The following MRPS22 variants were observed in gnomAD, a reference collection of about 807,000 sequenced individuals.
The protein encoded by MRPS22 is mitochondrial ribosomal protein S22.
A neutral mutation model predicts 44.0 loss-of-function variants in MRPS22; 30 were observed. That is an observed-to-expected ratio of 0.68 (90% CI 0.51 to 0.93). MRPS22 has a LOEUF of 0.93. Among genes scored for constraint, MRPS22 ranks in the 40% least tolerant of loss-of-function variants. The probability of loss-of-function intolerance (pLI) is 0.00; values close to 1 mark genes in which losing one functional copy is unlikely to be tolerated. For synonymous variants in MRPS22, 165 were observed against 154.4 expected (o/e 1.07, Z -0.51); for missense variants, 447 against 447.8 (o/e 1.00, Z 0.02).
chr3:139,355,134 G>T (rs934781613), intron 6 of MRPS22, among the ~76,000 whole-genome samples: 5 of 152,106 alleles, frequency 3.3e-5, no homozygotes, highest in Non-Finnish European at 5.9e-5. Context: ...GCTTCACTAG[G>T]ATGCTATTTT....
At chr3:139,352,280 T>C in intron 5 of MRPS22, 1 of 208,848 alleles carries the variant, frequency 4.8e-6, no homozygotes, top group Non-Finnish European at 9.8e-6. Context: ...TTCTTCTCTT[T>C]TAATTTTTTT....
intron 6 of MRPS22, among the ~76,000 whole-genome samples, chr3:139,355,427 A>G (rs1941230206): frequency 6.6e-6 from 1 of 152,192 alleles, no homozygotes; most frequent in African/African-American, 2.4e-5. Flanking sequence ...CATTTGGAAT[A>G]TATTCACTTT....
At chr3:139,351,155 C>G in intron 5 of MRPS22, 95 bp downstream of exon 5, 1 of 920,590 alleles carries the variant, frequency 1.1e-6, no homozygotes, top group South Asian at 1.3e-5. Context: ...AGTTTTGATA[C>G]AGGGGAAAGG....
intron 4 of MRPS22, chr3:139,350,613 A>G: frequency 2.3e-6 from 1 of 426,478 alleles, no homozygotes; most frequent in Non-Finnish European, 4.3e-6. Flanking sequence ...TTTTTAGTAG[A>G]GATGGGGTTT....
chr3:139,344,120 T>A lies in MRPS22; in HGVS notation c.94T>A (p.Trp32Arg), dbSNP rs1157849004. 2.2e-5 allele frequency: 36 copies of A among 1,614,112 alleles called. No individual in the cohort carries two copies. The highest frequency in any genetic ancestry group is 2.9e-5 in the Non-Finnish European group (34 of 1,180,012). Reference sequence around the variant, plus strand: ...CTGTTTCCGGGCTCGAATCCAGCCCTGGCACGGTGGCCTGCTCCAACCGCT... The same window carrying A: ...CTGTTTCCGGGCTCGAATCCAGCCCAGGCACGGTGGCCTGCTCCAACCGCT... The part of the protein sequence containing the change: ...RVCFRARIQP[W>R]HGGLLQPLPC... The change falls in exon 1 of 8, where the codon TGG (tryptophan) becomes AGG (arginine). Residue 32 changes from tryptophan (W) to arginine (R), a missense_variant. Trp to Arg is a moderately radical substitution (Grantham distance 101). Transcript: ENST00000680020.
rs753506675 is a variant in MRPS22 at position 139,350,214 on chromosome 3, A to T, written c.540A>T (p.Thr180=). 2 of 1,614,196 alleles carry T rather than the reference A, an allele frequency of 1.2e-6. No individual in the cohort carries two copies. Among genetic ancestry groups the T allele is most frequent in the Non-Finnish European group, 1.7e-6 (2 of 1,180,014 alleles). ...TTGTCGTCAGAGAACCAAGTGGCAC[A>T]CTACGCAAAGCCTCTTGGGAAGAAC... ...RFIVVREPSG[T]LRKASWEERD... Residue 180 remains threonine, a synonymous_variant, in exon 4 of 8, where the codon ACA becomes ACT. Transcript: ENST00000680020.
chr3:139,346,901 A>C lies in MRPS22; in HGVS notation c.196A>C (p.Lys66Gln), dbSNP rs1157139707. 4 of 1,614,164 alleles carry C rather than the reference A, an allele frequency of 2.5e-6. No homozygotes were observed. Among genetic ancestry groups the C allele is most frequent in the Non-Finnish European group, 3.4e-6 (4 of 1,180,004 alleles). ...EAAESGSPET[K>Q]KPTFMDEEVQ... is the part of the protein sequence containing the mutation. ...AGCAGAATCTGGTAGCCCAGAGACC[A>C]AGAAACCTACATTTATGGATGAGGA... Residue 66 changes from lysine to glutamine, a missense_variant, in exon 2 of 8, where the codon AAG (lysine) becomes CAG (glutamine). Lys to Gln is a moderately conservative substitution (Grantham distance 53, BLOSUM62 1). Transcript: ENST00000680020.
chr3:139,344,839 T>G, intron 1 of MRPS22: 1 of 556,752 alleles, frequency 1.8e-6, no homozygotes, highest in Non-Finnish European at 3.2e-6. Context: ...ATGAAGAAGA[T>G]TAATTAATTG....
chr3:139,355,974 G>T (rs911417927), intron 7 of MRPS22, among the ~76,000 whole-genome samples, 184 bp downstream of exon 7: 1 of 152,170 alleles, frequency 6.6e-6, no homozygotes, highest in Non-Finnish European at 1.5e-5. Context: ...AGACAGGGGA[G>T]GGGGGTAAAG....
At chr3:139,345,766 G>C (rs1941029896) in intron 1 of MRPS22, among the ~76,000 whole-genome samples, 1 of 152,192 alleles carries the variant, frequency 6.6e-6, no homozygotes, top group South Asian at 2.1e-4. Flanking sequence ...TTTGAGACAA[G>C]GGAAAGTTGA....
intron 7 of MRPS22, 36 bp from the exon 8 acceptor site, chr3:139,356,883 C>T: frequency 1.4e-6 from 2 of 1,442,928 alleles, no homozygotes; most frequent in Non-Finnish European, 1.9e-6. Flanking sequence ...TAGCATATGT[C>T]CTATTGTTTT....
chr3:139,352,279 T>C (rs61613889), intron 5 of MRPS22: 15,525 of 207,834 alleles, frequency 0.075, 668 homozygotes, highest in Middle Eastern at 0.12. Context: ...ATTCTTCTCT[T>C]TTAATTTTTT....
At position 139,350,676 on chromosome 3, in the gene MRPS22, C is replaced by T. The variant is rs1174496669; in HGVS notation, c.649-301C>T. 2.5e-5 allele frequency: 9 copies of T among 361,022 alleles called. No homozygotes were observed. In the Admixed American group the frequency reaches 2.7e-4, roughly 11 times the overall value. The allele number at this position is 361,022 out of a possible 1,614,324, so 22.4% of individuals were successfully genotyped here. The stretch of plus-strand genomic sequence containing the variant: ...CTCCTGACCTCGGGATTCGCACCCC[C>T]CCCCCGCAATCCGACTCCCAAAGTG... On this transcript the variant is annotated intron_variant, in intron 4 of 7. Coordinates refer to ENST00000680020, the MANE Select transcript of MRPS22 (RefSeq NM_020191.4).
Position 139,344,720 on chromosome 3 carries a change from T to C in MRPS22, c.172+522T>C, listed in dbSNP as rs751647895. The C allele has an allele frequency of 4.4e-5, 31 of 699,810 alleles. No homozygotes were observed. In the Middle Eastern group the frequency reaches 9.1e-4, roughly 21 times the overall value. 43.4% of individuals were successfully genotyped at this position (699,810 alleles called of 1,614,324 possible). ...GATATTTGGGAACCCATTTTGGAGGTAGGATTGATAAGGCTTGATTAAGGC... is the reference window on the plus strand; with the variant it reads ...GATATTTGGGAACCCATTTTGGAGGCAGGATTGATAAGGCTTGATTAAGGC... On this transcript the variant is annotated intron_variant, in intron 1 of 7. Coordinates refer to ENST00000680020, the MANE Select transcript of MRPS22 (RefSeq NM_020191.4).
rs201627731 is a variant in MRPS22, at chr3:139,350,980, A to G, written c.652A>G (p.Met218Val). The G allele has an allele frequency of 9.4e-5, 152 of 1,613,792 alleles. No individual in the cohort carries two copies. The highest frequency in any genetic ancestry group is 1.6e-4 in the Middle Eastern group (1 of 6,062). Residue 218 changes from methionine (M) to valine (V), a missense_variant, in exon 5 of 8, where the codon ATG (methionine) becomes GTG (valine). Met to Val is a conservative substitution (Grantham distance 21). Coordinates refer to ENST00000680020, the MANE Select transcript of MRPS22 (RefSeq NM_020191.4). ...IIFKEENLRT[M>V]YSQDRHVDVL... ...TAACTCTGCTGTGTGGTTTTAGACT[A>G]TGTATAGCCAGGACAGGCATGTTGA...
At chr3:139,354,102 T>A (rs532229266) in intron 6 of MRPS22, among the ~76,000 whole-genome samples, 5 of 152,336 alleles carry the variant, frequency 3.3e-5, no homozygotes, top group Non-Finnish European at 4.4e-5. Context: ...AAGGCCCTCC[T>A]GTGGTCATTC....
At chr3:139,355,422 G>A (rs537333039) in intron 6 of MRPS22, among the ~76,000 whole-genome samples, 1 of 152,266 alleles carries the variant, frequency 6.6e-6, no homozygotes, top group South Asian at 2.1e-4. Context: ...AGCCACATTT[G>A]GAATATATTC....
chr3:139,350,449 T>TG, intron 4 of MRPS22, 127 bp downstream of exon 4: 1 of 1,121,180 alleles, frequency 8.9e-7, no homozygotes, highest in Non-Finnish European at 1.3e-6. Flanking sequence ...TTTTTTGAAA[T>TG]GGAGTTTCGC....
At chr3:139,356,159 G>A (rs1352720198) in intron 7 of MRPS22, among the ~76,000 whole-genome samples, 4 of 152,214 alleles carry the variant, frequency 2.6e-5, no homozygotes, top group African/African-American at 9.7e-5. Context: ...GTCCCCCAGA[G>A]CAGCTTCCTG....
Sources: gnomAD v4.1 joint callset for allele counts (sites outside exome capture counted in the v4.1 genomes callset) on GRCh38, gnomAD v4.1.1 for gene constraint, MANE v1.5 for transcripts, NCBI Gene and HGNC (gene_info 2026-07-23, HGNC 2026-07-21) for gene names.